Variants in SCGB2B2 observed in about 807,000 individuals in gnomAD.
SCGB2B2 encodes the protein secretoglobin-like protein.
Under a neutral mutation model 7.6 loss-of-function variants are expected in SCGB2B2, and 11 were observed. The ratio of observed to expected loss-of-function variants is 1.45; its 90% CI spans 0.91 to 2.40. The LOEUF is 2.40. Ranked by LOEUF, SCGB2B2 falls within the 30% of genes most tolerant of loss-of-function variation. The pLI is 0.00. For synonymous variants in SCGB2B2, 50 were observed against 48.6 expected, an observed-to-expected ratio of 1.03 and a Z score of -0.12; for missense variants, 104 against 115.4, an observed-to-expected ratio of 0.90 and a Z score of 0.45.
At chr19:34,610,768 G>GT (rs548680772) in intron 1 of SCGB2B2, among the ~76,000 whole-genome samples, 16,132 of 139,584 alleles carry the variant, frequency 0.12, 1,107 homozygotes, top group East Asian at 0.29. Flanking sequence ...TTGGCCTATA[G>GT]TTTTTTTTTT....
intron 1 of SCGB2B2, among the ~76,000 whole-genome samples, chr19:34,629,801 G>A (rs1486821822): frequency 1.3e-5 from 2 of 152,004 alleles, no homozygotes; most frequent in East Asian, 3.9e-4. Flanking sequence ...AGCCCACATT[G>A]CCAAGTCAAT....
chr19:34,624,400 T>C (rs1427710961), intron 1 of SCGB2B2, among the ~76,000 whole-genome samples: 5 of 152,134 alleles, frequency 3.3e-5, no homozygotes, highest in African/African-American at 1.2e-4. Context: ...TTAGTTTAGT[T>C]GAAAGTTTAG....
At chr19:34,638,623 T>C (rs1210390842) in intron 1 of SCGB2B2, among the ~76,000 whole-genome samples, 2 of 152,158 alleles carry the variant, frequency 1.3e-5, no homozygotes, top group Non-Finnish European at 1.5e-5. Flanking sequence ...CCAGAAAGCA[T>C]AAATTGGCCC....
intron 1 of SCGB2B2, among the ~76,000 whole-genome samples, chr19:34,640,212 C>A (rs2066801694): frequency 6.6e-6 from 1 of 152,202 alleles, no homozygotes; most frequent in South Asian, 2.1e-4. Context: ...AGGGATCCCC[C>A]CACCTCAGCC....
At chr19:34,600,083 G>A (rs1170502201) in intron 1 of SCGB2B2, among the ~76,000 whole-genome samples, 1 of 152,046 alleles carries the variant, frequency 6.6e-6, no homozygotes, top group Non-Finnish European at 1.5e-5. Flanking sequence ...TACACAACGT[G>A]CAGGTTTGTT....
chr19:34,638,079 T>A (rs185439838), intron 1 of SCGB2B2: 1 of 152,252 alleles, frequency 6.6e-6, no homozygotes, highest in African/African-American at 2.4e-5. Flanking sequence ...TAAGATGTCA[T>A]GGACACAGTG....
intron 1 of SCGB2B2, among the ~76,000 whole-genome samples, chr19:34,616,357 C>T (rs1351746762): frequency 7.5e-6 from 1 of 132,820 alleles, no homozygotes; most frequent in Non-Finnish European, 1.7e-5. Context: ...CCTGTTGTTT[C>T]CTGACTTTTT....
At chr19:34,626,628 C>A (rs1432256050) in intron 1 of SCGB2B2, among the ~76,000 whole-genome samples, 1 of 152,204 alleles carries the variant, frequency 6.6e-6, no homozygotes, top group Non-Finnish European at 1.5e-5. Flanking sequence ...AAATCTATGT[C>A]TGATTGGTGT....
intron 1 of SCGB2B2, among the ~76,000 whole-genome samples, chr19:34,664,650 T>C (rs1334091664): frequency 6.6e-6 from 1 of 152,164 alleles, no homozygotes; most frequent in Admixed American, 6.5e-5. Flanking sequence ...CTGTGTTGTG[T>C]GCTGTGTCAC....
At chr19:34,633,463 C>T (rs1338744168) in intron 1 of SCGB2B2, among the ~76,000 whole-genome samples, 2 of 152,128 alleles carry the variant, frequency 1.3e-5, no homozygotes, top group South Asian at 2.1e-4. Flanking sequence ...AGTGTTGACA[C>T]ATGCAACATG....
intron 1 of SCGB2B2, among the ~76,000 whole-genome samples, chr19:34,621,707 T>G (rs1312182840): frequency 2.0e-5 from 3 of 152,238 alleles, no homozygotes; most frequent in African/African-American, 7.2e-5. Context: ...ACAGGGAATA[T>G]AAACAATGAT....
Position 34,618,122 on chromosome 19 carries a change from C to T in SCGB2B2, c.-2031-21528G>A, listed in dbSNP as rs187162784. Among the ~76,000 whole-genome samples the T allele has an allele frequency of 2.2e-3, 328 of 151,520 alleles. 9 individuals carry two copies. Among genetic ancestry groups the T allele is most frequent in the South Asian group, 1.5e-3 (7 of 4,770 alleles). ...ATCACTCACGCTGGGAGCTGTAGAC[C>T]GGAGCTGTTCCTACTCGGCCATCTT... On this transcript the variant is annotated intron_variant, in intron 1 of 3. Transcript: ENST00000601241.
rs1355335259 is a variant in SCGB2B2 at position 34,593,030 on chromosome 19, A to C, written c.*525T>G. 6.6e-6 allele frequency among the ~76,000 whole-genome samples: 1 copy of C among 152,150 alleles called. No homozygotes were observed. The highest frequency in any genetic ancestry group is 1.5e-5 in the Non-Finnish European group (1 of 68,024). On this transcript the variant is annotated 3_prime_UTR_variant, in exon 4 of 4. Transcript: ENST00000601241. Reference sequence around the variant, plus strand: ...AAGGTTGATTTCCTGGGTTCCGAAAACAGGCATATCGACTGGACACAGTGG... The same window carrying C: ...AAGGTTGATTTCCTGGGTTCCGAAACCAGGCATATCGACTGGACACAGTGG...
At chr19:34,629,279 G>A (rs2066463352) in intron 1 of SCGB2B2, among the ~76,000 whole-genome samples, 5 of 151,864 alleles carry the variant, frequency 3.3e-5, no homozygotes, top group Admixed American at 3.3e-4. Flanking sequence ...GGGCAATCAG[G>A]CAGAAGAAAG....
intron 1 of SCGB2B2, among the ~76,000 whole-genome samples, chr19:34,617,165 T>C (rs1336559035): frequency 1.3e-5 from 2 of 152,168 alleles, no homozygotes; most frequent in Admixed American, 6.5e-5. Context: ...CTTGGCGATG[T>C]GGGCTCTTTT....
At chr19:34,669,011 C>T (rs982332557) in intron 1 of SCGB2B2, among the ~76,000 whole-genome samples, 1 of 152,152 alleles carries the variant, frequency 6.6e-6, no homozygotes, top group Non-Finnish European at 1.5e-5. Flanking sequence ...TACAATAAAT[C>T]TTGCTACTGC....
intron 1 of SCGB2B2, chr19:34,635,206 G>A (rs144474647): frequency 1.8e-5 from 5 of 280,782 alleles, no homozygotes; most frequent in Middle Eastern, 4.5e-4. Flanking sequence ...GGGAACTCTC[G>A]GGTGTATAAT....
chr19:34,662,512 C>CAT (rs1413106633), intron 1 of SCGB2B2, among the ~76,000 whole-genome samples: 1 of 151,662 alleles, frequency 6.6e-6, no homozygotes, highest in Non-Finnish European at 1.5e-5. Context: ...ACAACACACA[C>CAT]ACACACACAC....
At chr19:34,587,791 A>G (rs551154316), downstream of SCGB2B2, among the ~76,000 whole-genome samples, 10 of 152,256 alleles carry the variant, frequency 6.6e-5, no homozygotes, top group African/African-American at 2.4e-4. Flanking sequence ...AGATGTTCAT[A>G]TGGTTCTTGT....
Sources: allele counts gnomAD v4.1 joint callset (sites outside exome capture counted in the v4.1 genomes callset), GRCh38; gene constraint gnomAD v4.1.1; transcripts MANE v1.5; gene names NCBI Gene and HGNC (gene_info 2026-07-23, HGNC 2026-07-21).